Variants in GRK5 observed in about 807,000 individuals in gnomAD.
The protein encoded by GRK5 is g protein-coupled receptor kinase GRK5.
In GRK5, 40 loss-of-function variants were observed where a neutral mutation model predicts 78.4. The ratio of observed to expected loss-of-function variants is 0.51; its 90% confidence interval spans 0.40 to 0.66. GRK5 has a LOEUF of 0.66. Among genes scored for constraint, GRK5 ranks in the 30% least tolerant of loss-of-function variants. The probability of loss-of-function intolerance (pLI) is 0.00; values close to 1 mark genes in which losing one functional copy is unlikely to be tolerated. For missense variants in GRK5, 598 were observed against 759.9 expected, an observed-to-expected ratio of 0.79 and a Z score of 2.50; for synonymous variants, 289 against 296.8, an observed-to-expected ratio of 0.97 and a Z score of 0.27.
chr10:119,414,591 G>A (rs569226390), intron 4 of GRK5, among the ~76,000 whole-genome samples: 20 of 152,328 alleles, frequency 1.3e-4, no homozygotes, highest in Middle Eastern at 3.4e-3. Context: ...TCTCTGGCCA[G>A]ATTCCCTAGG....
intron 3 of GRK5, among the ~76,000 whole-genome samples, chr10:119,388,012 A>G (rs1851828831): frequency 6.7e-6 from 1 of 150,352 alleles, no homozygotes; most frequent in African/African-American, 2.4e-5. Flanking sequence ...GTGCGGTGGT[A>G]TGATTATAGC....
At chr10:119,257,569 C>A (rs1345508249) in intron 1 of GRK5, among the ~76,000 whole-genome samples, 3 of 152,246 alleles carry the variant, frequency 2.0e-5, no homozygotes, top group African/African-American at 7.2e-5. Context: ...ACTAAAAATA[C>A]AAAAATTAGC....
intron 3 of GRK5, among the ~76,000 whole-genome samples, chr10:119,390,609 C>A (rs762980599): frequency 8.5e-5 from 13 of 152,198 alleles, no homozygotes; most frequent in Non-Finnish European, 1.6e-4. Flanking sequence ...ACAGGAGAAT[C>A]ACTTGAACCC....
chr10:119,261,379 A>G (rs1849396124), intron 1 of GRK5, among the ~76,000 whole-genome samples: 2 of 123,616 alleles, frequency 1.6e-5, no homozygotes, highest in African/African-American at 6.3e-5. Context: ...CCTAGATGGG[A>G]TGGCGGCCGG....
At chr10:119,229,140 T>A (rs992344407) in intron 1 of GRK5, among the ~76,000 whole-genome samples, 1 of 152,084 alleles carries the variant, frequency 6.6e-6, no homozygotes, top group Non-Finnish European at 1.5e-5. Context: ...ATGCGTAAAG[T>A]GGCCATTTTG....
intron 1 of GRK5, among the ~76,000 whole-genome samples, chr10:119,250,012 C>T (rs1307763523): frequency 6.6e-6 from 1 of 152,190 alleles, no homozygotes; most frequent in Admixed American, 6.5e-5. Context: ...TTCTTGGCAA[C>T]TCTGGATAGG....
chr10:119,355,292 A>G (rs1337661120), intron 2 of GRK5, among the ~76,000 whole-genome samples: 1 of 152,194 alleles, frequency 6.6e-6, no homozygotes, highest in East Asian at 1.9e-4. Context: ...ATGAACACTT[A>G]GATTGTTTCT....
At chr10:119,311,790 A>G (rs984204186) in intron 1 of GRK5, among the ~76,000 whole-genome samples, 3 of 151,756 alleles carry the variant, frequency 2.0e-5, no homozygotes, top group African/African-American at 7.3e-5. Flanking sequence ...CTGTCTCCAA[A>G]AAAAAAAAAG....
intron 2 of GRK5, among the ~76,000 whole-genome samples, chr10:119,362,460 G>A (rs1851381222): frequency 6.6e-6 from 1 of 152,236 alleles, no homozygotes; most frequent in Admixed American, 6.5e-5. Flanking sequence ...CAGGGTGTTT[G>A]TTTTATGTAA....
At chr10:119,259,748 G>A (rs917503545) in intron 1 of GRK5, among the ~76,000 whole-genome samples, 3 of 152,142 alleles carry the variant, frequency 2.0e-5, no homozygotes, top group African/African-American at 7.2e-5. Flanking sequence ...CTTGAAGTGT[G>A]GCTTGTGCTA....
At chr10:119,400,652 T>C (rs1204788941) in intron 4 of GRK5, among the ~76,000 whole-genome samples, 1 of 152,130 alleles carries the variant, frequency 6.6e-6, no homozygotes, top group East Asian at 1.9e-4. Context: ...CTGTAGGCCC[T>C]GGGAAGCCAT....
At chr10:119,432,960 A>G (rs1394833661) in intron 8 of GRK5, among the ~76,000 whole-genome samples, 1 of 152,152 alleles carries the variant, frequency 6.6e-6, no homozygotes, top group Non-Finnish European at 1.5e-5. Context: ...AATTCCAGCT[A>G]CTTGGGAGGC....
intron 8 of GRK5, among the ~76,000 whole-genome samples, chr10:119,432,268 A>G (rs952138997): frequency 2.0e-5 from 3 of 152,194 alleles, no homozygotes; most frequent in African/African-American, 7.2e-5. Context: ...GTCAGCTCTA[A>G]TATCTTCTGC....
chr10:119,236,268 T>C (rs1276231360), intron 1 of GRK5, among the ~76,000 whole-genome samples: 2 of 152,032 alleles, frequency 1.3e-5, no homozygotes, highest in African/African-American at 4.8e-5. Context: ...CAGGCTGGAG[T>C]GCAGTGGCGC....
chr10:119,247,002 G>C (rs1317553076), intron 1 of GRK5, among the ~76,000 whole-genome samples: 5 of 152,158 alleles, frequency 3.3e-5, no homozygotes, highest in African/African-American at 1.2e-4. Context: ...CTGGGATGCC[G>C]GGGTCAGATC....
chr10:119,286,344 C>T (rs2133696238), intron 1 of GRK5, among the ~76,000 whole-genome samples: 1 of 152,368 alleles, frequency 6.6e-6, no homozygotes, highest in Middle Eastern at 3.4e-3. Flanking sequence ...CTTCACTGCA[C>T]AAGTTGGCTC....
At chr10:119,255,269 T>C (rs1248586818) in intron 1 of GRK5, among the ~76,000 whole-genome samples, 1 of 151,944 alleles carries the variant, frequency 6.6e-6, no homozygotes, top group East Asian at 1.9e-4. Flanking sequence ...CAGAGGTGGA[T>C]CTCTTATTCT....
chr10:119,279,507 C>T (rs573000500), intron 1 of GRK5, among the ~76,000 whole-genome samples: 7 of 152,234 alleles, frequency 4.6e-5, no homozygotes, highest in Admixed American at 4.6e-4. Flanking sequence ...GAGGAGGGCT[C>T]GGTGCTACTA....
intron 1 of GRK5, among the ~76,000 whole-genome samples, chr10:119,269,142 CAT>C (rs1003727422): frequency 2.0e-5 from 3 of 152,214 alleles, no homozygotes; most frequent in Non-Finnish European, 1.5e-5. Flanking sequence ...CTAACAGAAA[CAT>C]AGAAACAAAC....
Sources: allele counts gnomAD v4.1 joint callset (sites outside exome capture counted in the v4.1 genomes callset), GRCh38; gene constraint gnomAD v4.1.1; transcripts MANE v1.5; gene names NCBI Gene and HGNC (gene_info 2026-07-23, HGNC 2026-07-21).